Variants in HFM1 observed in about 807,000 individuals in gnomAD.
The protein encoded by HFM1 is probable ATP-dependent DNA helicase HFM1.
A neutral mutation model predicts 192.1 loss-of-function variants in HFM1; 169 were observed. The observed-to-expected ratio is 0.88, with a 90% CI of 0.78 to 1.00. HFM1 has a LOEUF of 1.00. Ranked by LOEUF, HFM1 falls within the 50% of genes least tolerant of loss-of-function variation. The pLI is 0.00. For missense variants in HFM1, 1,661 were observed against 1,668.0 expected (o/e 1.00, Z 0.07); for synonymous variants, 525 against 537.8 (o/e 0.98, Z 0.33).
rs1557835002 is a variant in HFM1, at chr1:91,315,808, CACTT to C, written c.3140+3_3140+6del. ...ATAAGATCAAACATCAGAAATTTCACACTTACGTAATCTTGTGCAGATAAACTAC... is the reference window on the plus strand; with the variant it reads ...ATAAGATCAAACATCAGAAATTTCACACGTAATCTTGTGCAGATAAACTAC... On this transcript the variant is annotated splice_donor_5th_base_variant and intron_variant, in intron 28 of 38. Coordinates refer to ENST00000370425, the MANE Select transcript of HFM1 (RefSeq NM_001017975.6). The C allele has an allele frequency of 6.3e-7, 1 of 1,581,760 alleles. No individual in the cohort carries two copies. Among genetic ancestry groups the C allele is most frequent in the Non-Finnish European group, 8.6e-7 (1 of 1,163,066 alleles).
At chr1:91,353,601 A>G (rs2101751022) in intron 13 of HFM1, among the ~76,000 whole-genome samples, 1 of 151,156 alleles carries the variant, frequency 6.6e-6, no homozygotes, top group South Asian at 2.1e-4. Context: ...TGCCTAAAAA[A>G]AATTATAAGA....
At chr1:91,349,397 G>A (rs1360946620) in intron 18 of HFM1, among the ~76,000 whole-genome samples, 1 of 152,076 alleles carries the variant, frequency 6.6e-6, no homozygotes, top group Non-Finnish European at 1.5e-5. Flanking sequence ...CTAAAAAACA[G>A]AATAAAGCAG....
intron 11 of HFM1, chr1:91,377,664 C>A (rs980521283): frequency 4.5e-6 from 1 of 219,808 alleles, no homozygotes; most frequent in Non-Finnish European, 8.8e-6. Context: ...TGGTAATCAT[C>A]TAAGCAATTA....
At chr1:91,315,712 T>G in intron 28 of HFM1, 103 bp downstream of exon 28, 1 of 747,546 alleles carries the variant, frequency 1.3e-6, no homozygotes, top group Non-Finnish European at 2.1e-6. Context: ...AAAATGTAAT[T>G]TAGTTGATCC....
intron 1 of HFM1, among the ~76,000 whole-genome samples, chr1:91,401,527 C>T (rs145291592): frequency 2.4e-3 from 373 of 152,294 alleles, no homozygotes; most frequent in South Asian, 4.6e-3. Context: ...TAGGACAGCA[C>T]ATTTTATTGT....
chr1:91,387,503 T>C (rs1414480963), intron 4 of HFM1, among the ~76,000 whole-genome samples: 1 of 151,808 alleles, frequency 6.6e-6, no homozygotes, highest in Non-Finnish European at 1.5e-5. Flanking sequence ...GAGGTTTCTG[T>C]CCTCCCTGAG....
intron 2 of HFM1, among the ~76,000 whole-genome samples, chr1:91,400,366 C>T (rs772737343): frequency 6.0e-4 from 91 of 152,268 alleles, no homozygotes; most frequent in African/African-American, 1.9e-3. Context: ...CAGATGGTGA[C>T]GTCATTCCTT....
At chr1:91,280,551 T>C (rs1343924723) in intron 30 of HFM1, among the ~76,000 whole-genome samples, 1 of 152,218 alleles carries the variant, frequency 6.6e-6, no homozygotes, top group African/African-American at 2.4e-5. Context: ...TGTGAGGAGC[T>C]ATCAAAGGCC....
At chr1:91,266,250 C>T in intron 35 of HFM1, 143 bp from the exon 36 acceptor site, 2 of 636,386 alleles carry the variant, frequency 3.1e-6, no homozygotes, top group South Asian at 2.2e-5. Flanking sequence ...ATTTAATTTG[C>T]ATAGAAAAAT....
At chr1:91,401,797 T>C (rs1402209532) in intron 1 of HFM1, among the ~76,000 whole-genome samples, 1 of 152,186 alleles carries the variant, frequency 6.6e-6, no homozygotes, top group Non-Finnish European at 1.5e-5. Flanking sequence ...TTACATTCTT[T>C]TTTAAAAGAT....
At chr1:91,306,580 T>C (rs1200024712) in intron 30 of HFM1, among the ~76,000 whole-genome samples, 1 of 152,162 alleles carries the variant, frequency 6.6e-6, no homozygotes, top group African/African-American at 2.4e-5. Context: ...TATGGCCAAA[T>C]TCAGCTTGTG....
chr1:91,336,988 C>T (rs1280524919), intron 20 of HFM1, among the ~76,000 whole-genome samples: 1 of 152,134 alleles, frequency 6.6e-6, no homozygotes, highest in Non-Finnish European at 1.5e-5. Flanking sequence ...GAACGGAAAA[C>T]CAAGCACCGC....
intron 30 of HFM1, among the ~76,000 whole-genome samples, chr1:91,277,540 A>G (rs946614676): frequency 7.3e-6 from 1 of 137,854 alleles, no homozygotes; most frequent in African/African-American, 2.7e-5. Flanking sequence ...TACTTTATAT[A>G]TATATAATAT....
intron 30 of HFM1, among the ~76,000 whole-genome samples, chr1:91,280,740 A>G (rs10801850): frequency 0.71 from 107,564 of 152,118 alleles, 38,228 homozygotes; most frequent in East Asian, 0.85. Flanking sequence ...AAAGCAACCC[A>G]CCACTCATGT....
At chr1:91,299,429 C>T (rs1289130066) in intron 30 of HFM1, among the ~76,000 whole-genome samples, 3 of 152,116 alleles carry the variant, frequency 2.0e-5, no homozygotes, top group Admixed American at 6.6e-5. Flanking sequence ...CTGCACCAAC[C>T]GGACCTAATA....
chr1:91,369,780 C>A (rs1659908503), intron 13 of HFM1, among the ~76,000 whole-genome samples: 1 of 151,912 alleles, frequency 6.6e-6, no homozygotes, highest in African/African-American at 2.4e-5. Flanking sequence ...AAAAACCCTT[C>A]CAAAAATCAA....
At chr1:91,264,006 T>C (rs1229119019) in intron 36 of HFM1, among the ~76,000 whole-genome samples, 1 of 152,218 alleles carries the variant, frequency 6.6e-6, no homozygotes, top group Non-Finnish European at 1.5e-5. Flanking sequence ...CTCACTTGGA[T>C]GGTTATATCC....
At chr1:91,296,762 A>G (rs1046915030) in intron 30 of HFM1, among the ~76,000 whole-genome samples, 8 of 152,158 alleles carry the variant, frequency 5.3e-5, no homozygotes, top group South Asian at 2.1e-4. Flanking sequence ...TACAAGGTTG[A>G]TATTTTATAC....
Position 91,396,305 on chromosome 1 carries a change from G to A in HFM1, c.172C>T (p.His58Tyr). The A allele has an allele frequency of 6.5e-7, 1 of 1,531,652 alleles. No individual in the cohort carries two copies. Among genetic ancestry groups the A allele is most frequent in the East Asian group, 2.3e-5 (1 of 44,434 alleles). The allele number at this position is 1,531,652 out of a possible 1,614,324, so 94.9% of individuals were successfully genotyped here. A position where few individuals can be genotyped will look rare whatever the true frequency, so the allele number is the denominator to read the frequency against. Residue 58 changes from histidine to tyrosine, a missense_variant, in exon 3 of 39, where the codon CAT becomes TAT. His to Tyr is a moderately conservative substitution (Grantham distance 83). Coordinates refer to ENST00000370425, the MANE Select transcript of HFM1 (RefSeq NM_001017975.6). Reference protein sequence around the residue: ...TQELEEELESHKLLGQEKRPK... With the variant: ...TQELEEELESYKLLGQEKRPK... The stretch of plus-strand genomic sequence containing the variant: ...TGTGATAATTTACCTAACAGTTTAT[G>A]ACTTTCTAATTCTTCCTCTAACTCC...
Sources: allele counts gnomAD v4.1 joint callset (sites outside exome capture counted in the v4.1 genomes callset), GRCh38; gene constraint gnomAD v4.1.1; transcripts MANE v1.5; gene names NCBI Gene and HGNC (gene_info 2026-07-23, HGNC 2026-07-21).